The following SIGLEC6 variants were observed in gnomAD, a reference collection of about 807,000 sequenced individuals.
SIGLEC6 encodes sialic acid binding Ig like lectin 6, also known as sialic acid-binding Ig-like lectin 6.
Under a neutral mutation model 41.4 loss-of-function variants are expected in SIGLEC6, and 31 were observed. That is an observed-to-expected ratio of 0.75 (90% CI 0.56 to 1.01). The LOEUF is 1.01. Among genes scored for constraint, SIGLEC6 ranks in the 50% least tolerant of loss-of-function variants. The pLI, the probability that SIGLEC6 is intolerant of heterozygous loss-of-function variation, is 0.00. For synonymous variants in SIGLEC6, 217 were observed against 231.0 expected (o/e 0.94, Z 0.55); for missense variants, 555 against 558.6 (o/e 0.99, Z 0.06).
rs1990671457 is a variant in SIGLEC6, at chr19:51,518,348, T to C, written c.*1734A>G. Among the ~76,000 whole-genome samples, 1 of 152,218 alleles carries C rather than the reference T, an allele frequency of 6.6e-6. No homozygotes were observed. Among genetic ancestry groups the C allele is most frequent in the African/African-American group, 2.4e-5 (1 of 41,456 alleles). Reference sequence around the variant, plus strand: ...TTTTGCTTGTTTGTTTGTTTTGTTTTGCTTTTTCTGAGTTGGAGTCTCGCT... The same window carrying C: ...TTTTGCTTGTTTGTTTGTTTTGTTTCGCTTTTTCTGAGTTGGAGTCTCGCT... On this transcript the variant is annotated 3_prime_UTR_variant, in exon 8 of 8. Transcript: ENST00000425629.
Position 51,519,950 on chromosome 19 carries a change from G to A in SIGLEC6, c.*132C>T. On this transcript the variant is annotated 3_prime_UTR_variant, in exon 8 of 8. Coordinates refer to ENST00000425629, the MANE Select transcript of SIGLEC6 (RefSeq NM_001245.7). ...CCTTGTTCTCAGACCTCTAACATCTGAAACTATACGAAAATAAAGTTCTGT... is the reference window on the plus strand; with the variant it reads ...CCTTGTTCTCAGACCTCTAACATCTAAAACTATACGAAAATAAAGTTCTGT... 1 of 799,012 alleles carries A rather than the reference G, an allele frequency of 1.3e-6. No homozygotes were observed. The highest frequency in any genetic ancestry group is 1.8e-6 in the Non-Finnish European group (1 of 542,932). The allele number at this position is 799,012 out of a possible 1,614,324, so 49.5% of individuals were successfully genotyped here. A position where few individuals can be genotyped will look rare whatever the true frequency, so the allele number is the denominator to read the frequency against.
rs765487804 is a variant in SIGLEC6 at position 51,531,349 on chromosome 19, C to A, written c.238G>T (p.Asp80Tyr). Residue 80 changes from aspartate to tyrosine, a missense_variant, in exon 2 of 8, where the codon GAC becomes TAC. Transcript: ENST00000425629. The stretch of plus-strand genomic sequence containing the variant: ...TCCTCCTGCACTTCTTCGTCTGGGT[C>A]GTTTGTGGCCACTGGAACATCAGCC... ...EGADVPVATN[D>Y]PDEEVQEETR... 1.9e-6 allele frequency: 3 copies of A among 1,614,020 alleles called. No individual in the cohort carries two copies. The highest frequency in any genetic ancestry group is 2.7e-5 in the African/African-American group (2 of 74,912).
In SIGLEC6 at chr19:51,529,483, G is replaced by A. The variant is rs941993958; in HGVS notation, c.1012+241C>T. 5.5e-6 allele frequency: 3 copies of A among 549,590 alleles called. No individual in the cohort carries two copies. The African/African-American group carries it at 5.7e-5, about 10-fold the overall frequency. The allele number at this position is 549,590 out of a possible 1,614,324, so 34.0% of individuals were successfully genotyped here. ...CTGTTGACCAAGGGTCCGGCTGGCT[G>A]GGGGTGACTGTGAAGGAGCCATGGC... is the stretch of plus-strand genomic sequence containing the variant. On this transcript the variant is annotated intron_variant, in intron 5 of 7. Transcript: ENST00000425629.
intron 5 of SIGLEC6, 111 bp downstream of exon 5, chr19:51,529,613 T>C: frequency 7.2e-7 from 1 of 1,382,942 alleles, no homozygotes; most frequent in South Asian, 1.3e-5. Flanking sequence ...GTCCCAGCAG[T>C]TGTGAGGGGT....
rs767333262 is a variant in SIGLEC6 at position 51,527,879 on chromosome 19, C to G, written c.1107-51G>C. 183 of 1,571,822 alleles carry G rather than the reference C, an allele frequency of 1.2e-4. 1 individual carries two copies. Among genetic ancestry groups the G allele is most frequent in the South Asian group, 9.6e-4 (86 of 89,626 alleles). On this transcript the variant is annotated intron_variant, in intron 6 of 7. Transcript: ENST00000425629. ...AGCCTGGTTATTTGGAGCCTCTTTC[C>G]CCAAAAGAAAACCATCTCCCCACTC...
At chr19:51,529,700 T>A (rs559845467) in intron 5 of SIGLEC6, 24 bp downstream of exon 5, 1 of 1,613,376 alleles carries the variant, frequency 6.2e-7, no homozygotes, top group African/African-American at 1.3e-5. Context: ...GCCCACACTC[T>A]CGCGCACCTC....
intron 7 of SIGLEC6, among the ~76,000 whole-genome samples, chr19:51,524,411 T>C (rs925944507): frequency 4.6e-5 from 7 of 152,112 alleles, no homozygotes; most frequent in African/African-American, 7.2e-5. Context: ...GATAAACAAG[T>C]CAATTCATTA....
Position 51,518,846 on chromosome 19 carries a change from G to A in SIGLEC6, c.*1236C>T, listed in dbSNP as rs563827475. On this transcript the variant is annotated 3_prime_UTR_variant, in exon 8 of 8. Coordinates refer to ENST00000425629, the MANE Select transcript of SIGLEC6 (RefSeq NM_001245.7). ...AAATCTGGATGGACAAGATCATGTAGAGAGCCTTGAGCAGAAAGATGATGG... is the reference window on the plus strand; with the variant it reads ...AAATCTGGATGGACAAGATCATGTAAAGAGCCTTGAGCAGAAAGATGATGG... Among the ~76,000 whole-genome samples, 1 of 152,320 alleles carries A rather than the reference G, an allele frequency of 6.6e-6. No individual in the cohort carries two copies. The highest frequency in any genetic ancestry group is 2.1e-4 in the South Asian group (1 of 4,832).
At chr19:51,529,113 C>T (rs73559183) in intron 5 of SIGLEC6, among the ~76,000 whole-genome samples, 10,423 of 151,844 alleles carry the variant, frequency 0.069, 408 homozygotes, top group East Asian at 0.11. Context: ...AGCCTAGGAA[C>T]GCCAAAGACT....
Position 51,518,285 on chromosome 19 carries a change from T to C in SIGLEC6, c.*1797A>G, listed in dbSNP as rs1395655687. Among the ~76,000 whole-genome samples, 1 of 152,210 alleles carries C rather than the reference T, an allele frequency of 6.6e-6. No individual in the cohort carries two copies. The highest frequency in any genetic ancestry group is 6.5e-5 in the Admixed American group (1 of 15,270). On this transcript the variant is annotated 3_prime_UTR_variant, in exon 8 of 8. Coordinates refer to ENST00000425629, the MANE Select transcript of SIGLEC6 (RefSeq NM_001245.7). ...TCTATTGCATTTAGCCTTCCAATAT[T>C]GCTCCTAAAAAAGTCAGCTGTCAGT... is the stretch of plus-strand genomic sequence containing the variant.
At chr19:51,522,375 C>T (rs764087339) in intron 7 of SIGLEC6, among the ~76,000 whole-genome samples, 1 of 152,202 alleles carries the variant, frequency 6.6e-6, no homozygotes, top group Non-Finnish European at 1.5e-5. Context: ...AAATCACTAC[C>T]TATGCGAAGA....
In SIGLEC6 at chr19:51,529,768, T is replaced by C. The variant is rs375087916; in HGVS notation, c.968A>G (p.His323Arg). Residue 323 changes from histidine (H) to arginine (R), a missense_variant, in exon 5 of 8, where the codon CAT becomes CGT. Coordinates refer to ENST00000425629, the MANE Select transcript of SIGLEC6 (RefSeq NM_001245.7). ...EEGDFTCRAQ[H>R]PLGSLQISLS... Reference sequence around the variant, plus strand: ...AGAGATTTGCAGGGAGCCCAGAGGATGCTGAGCACGGCAGGTGAAATCTCC... The same window carrying C: ...AGAGATTTGCAGGGAGCCCAGAGGACGCTGAGCACGGCAGGTGAAATCTCC... 10 of 1,614,052 alleles carry C rather than the reference T, an allele frequency of 6.2e-6. No homozygotes were observed. The highest frequency in any genetic ancestry group is 1.6e-4 in the Middle Eastern group (1 of 6,084).
Position 51,531,414 on chromosome 19 carries a change from G to A in SIGLEC6, c.173C>T (p.Pro58Leu). 1 of 1,614,140 alleles carries A rather than the reference G, an allele frequency of 6.2e-7. No homozygotes were observed. Among genetic ancestry groups the A allele is most frequent in the South Asian group, 1.1e-5 (1 of 91,088 alleles). ...GTAGCCATAACCATAGTACGAGGCT[G>A]GAAGGGTAGTGGGCAATCTGCAGGG... Reference protein sequence around the residue: ...LVPCRLPTTLPASYYGYGYWF... With the variant: ...LVPCRLPTTLLASYYGYGYWF... The change falls in exon 2 of 8, where the codon CCA (proline) becomes CTA (leucine). Residue 58 changes from proline to leucine, a missense_variant. Physicochemically the swap from Pro to Leu is moderately conservative, Grantham distance 98. Transcript: ENST00000425629.
Position 51,530,947 on chromosome 19 carries a change from C to T in SIGLEC6, c.440G>A (p.Arg147Lys), listed in dbSNP as rs760262617. 1.2e-5 allele frequency: 20 copies of T among 1,611,964 alleles called. No individual in the cohort carries two copies. The South Asian group carries it at 2.1e-4, about 17-fold the overall frequency. Reference sequence around the variant, plus strand: ...GGTCCCTGGGATGGAGATGTTGGGCCTGTGGGTCAGGGCTGGTGAGGAGAT... The same window carrying T: ...GGTCCCTGGGATGGAGATGTTGGGCTTGTGGGTCAGGGCTGGTGAGGAGAT... ...LSVRVMALTHRPNISIPGTLE... is the reference protein window; with the variant it reads ...LSVRVMALTHKPNISIPGTLE... The change falls in exon 3 of 8, where the codon AGG becomes AAG. Residue 147 changes from arginine to lysine, a missense_variant. Transcript: ENST00000425629.
rs1025194035 is a variant in SIGLEC6, at chr19:51,518,254, C to A, written c.*1828G>T. On this transcript the variant is annotated 3_prime_UTR_variant, in exon 8 of 8. Transcript: ENST00000425629. ...TTTATTTCTCTTAAGCCATCAAAGA[C>A]ATCTTTCTATTGCATTTAGCCTTCC... Among the ~76,000 whole-genome samples the A allele has an allele frequency of 2.0e-5, 3 of 152,180 alleles. No individual in the cohort carries two copies. Among genetic ancestry groups the A allele is most frequent in the African/African-American group, 7.2e-5 (3 of 41,432 alleles).
At position 51,520,323 on chromosome 19, in the gene SIGLEC6, G is replaced by A. The variant is rs192275553; in HGVS notation, c.1189-68C>T. The A allele has an allele frequency of 1.1e-4, 122 of 1,109,494 alleles. 1 individual carries two copies. In the African/African-American group the frequency reaches 1.7e-3, roughly 16 times the overall value. 68.7% of individuals were successfully genotyped at this position (1,109,494 alleles called of 1,614,324 possible). On this transcript the variant is annotated intron_variant, in intron 7 of 7. Coordinates refer to ENST00000425629, the MANE Select transcript of SIGLEC6 (RefSeq NM_001245.7). Reference sequence around the variant, plus strand: ...TCTCAAAGAAAGCAGCCAAGGATCAGAAAGGGAGTAGAACTGATGGAACTT... The same window carrying A: ...TCTCAAAGAAAGCAGCCAAGGATCAAAAAGGGAGTAGAACTGATGGAACTT...
rs10653244 is a variant in SIGLEC6, at chr19:51,519,296, G to GGAA, written c.*785_*786insTTC. The stretch of plus-strand genomic sequence containing the variant: ...GGAGATACAGCAAGACTCCATCTCA[G>GGAA]AAAAAAAAAAAAAAAAAAAAAGCTA... On this transcript the variant is annotated 3_prime_UTR_variant, in exon 8 of 8. Transcript: ENST00000425629. Among the ~76,000 whole-genome samples the GGAA allele has an allele frequency of 2.4e-4, 22 of 90,770 alleles. No individual in the cohort carries two copies. The highest frequency in any genetic ancestry group is 4.9e-4 in the South Asian group (1 of 2,044). The allele number at this position is 90,770 out of a possible 152,430, so 59.5% of individuals were successfully genotyped here. A position where few individuals can be genotyped will look rare whatever the true frequency, so the allele number is the denominator to read the frequency against.
At chr19:51,520,590 T>A (rs951374810) in intron 7 of SIGLEC6, among the ~76,000 whole-genome samples, 26 of 1,710 alleles carry the variant, frequency 0.015, no homozygotes, top group Admixed American at 0.031. Flanking sequence ...TTGCCCAGGC[T>A]GGTCTTGAAC....
chr19:51,524,017 C>T (rs1393268791), intron 7 of SIGLEC6, among the ~76,000 whole-genome samples: 1 of 149,352 alleles, frequency 6.7e-6, no homozygotes, highest in Non-Finnish European at 1.5e-5. Flanking sequence ...AGTGAGACTC[C>T]ATCTCAAAAA....
Sources: allele counts gnomAD v4.1 joint callset (sites outside exome capture counted in the v4.1 genomes callset), GRCh38; gene constraint gnomAD v4.1.1; transcripts MANE v1.5; gene names NCBI Gene and HGNC (gene_info 2026-07-23, HGNC 2026-07-21).